RAB14: variants seen among roughly 807,000 people sequenced by gnomAD.
The protein encoded by RAB14 is RAB14, member RAS oncogene family, also known as ras-related protein Rab-14.
RAB14 carries 3 observed loss-of-function variants against 31.1 expected under a neutral mutation model. The observed-to-expected ratio is 0.10, with a 90% confidence interval of 0.04 to 0.25. The LOEUF is 0.25. Ranked by LOEUF, RAB14 falls within the 10% of genes least tolerant of loss-of-function variation. The pLI is 1.00. For synonymous variants in RAB14, 85 were observed against 84.9 expected (o/e 1.00, Z 0.00); for missense variants, 111 against 260.1 (o/e 0.43, Z 3.94).
At chr9:121,201,428 AG>A (rs1333777995) in intron 1 of RAB14, among the ~76,000 whole-genome samples, 2 of 151,976 alleles carry the variant, frequency 1.3e-5, no homozygotes, top group African/African-American at 4.8e-5. Context: ...GGAGCCGCGC[AG>A]GGGACACCTC....
chr9:121,180,936 C>T lies in RAB14; in HGVS notation c.*460G>A, dbSNP rs534947008. The T allele has an allele frequency of 6.5e-6, 1 of 152,904 alleles. No homozygotes were observed. The highest frequency in any genetic ancestry group is 1.5e-5 in the Non-Finnish European group (1 of 68,292). The allele number at this position is 152,904 out of a possible 1,614,324, so 9.5% of individuals were successfully genotyped here. A position where few individuals can be genotyped will look rare whatever the true frequency, so the allele number is the denominator to read the frequency against. On this transcript the variant is annotated 3_prime_UTR_variant, in exon 8 of 8. Transcript: ENST00000373840. ...AACAAAACAAAAGCAGTTATAGAAC[C>T]CCTTCTCTACCATCAGAAGTAATTT...
intron 4 of RAB14, among the ~76,000 whole-genome samples, chr9:121,189,267 A>G (rs563769232): frequency 3.9e-5 from 6 of 152,222 alleles, no homozygotes; most frequent in Non-Finnish European, 7.4e-5. Flanking sequence ...GATTTTACCA[A>G]AAGTATTAAC....
Position 121,178,584 on chromosome 9 carries a change from T to TA in RAB14, c.*2811dup, listed in dbSNP as rs1401422090. 6.6e-6 allele frequency: 1 copy of TA among 152,594 alleles called. No individual in the cohort carries two copies. The highest frequency in any genetic ancestry group is 2.4e-5 in the African/African-American group (1 of 41,438). The allele number at this position is 152,594 out of a possible 1,614,324, so 9.5% of individuals were successfully genotyped here. A position where few individuals can be genotyped will look rare whatever the true frequency, so the allele number is the denominator to read the frequency against. On this transcript the variant is annotated 3_prime_UTR_variant, in exon 8 of 8. Transcript: ENST00000373840. ...AAAAAGTTCCCCAAAACTACTGTCT[T>TA]ACCGAATTTGAGAAGGGAGGTAATG... is the stretch of plus-strand genomic sequence containing the variant.
intron 1 of RAB14, among the ~76,000 whole-genome samples, chr9:121,199,229 A>C (rs2053736137): frequency 6.6e-6 from 1 of 152,250 alleles, no homozygotes. Context: ...TTTGGCAAGG[A>C]GGAGGCAAGT....
At chr9:121,194,745 C>T (rs943941183) in intron 1 of RAB14, among the ~76,000 whole-genome samples, 1 of 152,060 alleles carries the variant, frequency 6.6e-6, no homozygotes, top group Admixed American at 6.6e-5. Context: ...TTACTATATA[C>T]CATATTTCAA....
chr9:121,184,453 G>C (rs1290434833), intron 5 of RAB14, among the ~76,000 whole-genome samples: 2 of 152,160 alleles, frequency 1.3e-5, no homozygotes, highest in African/African-American at 4.8e-5. Flanking sequence ...TGGATAAACT[G>C]TCTTTGTACA....
chr9:121,183,057 G>A, intron 6 of RAB14, 97 bp from the exon 7 acceptor site: 32 of 1,139,882 alleles, frequency 2.8e-5, no homozygotes, highest in Non-Finnish European at 4.1e-5. Flanking sequence ...TCAGTTTTTA[G>A]TACTCCTCCC....
chr9:121,200,041 C>G (rs1388833228), intron 1 of RAB14, among the ~76,000 whole-genome samples: 5 of 152,218 alleles, frequency 3.3e-5, no homozygotes, highest in Non-Finnish European at 5.9e-5. Flanking sequence ...AGCAACAACT[C>G]TAAGATGCAG....
intron 1 of RAB14, among the ~76,000 whole-genome samples, chr9:121,195,442 T>C (rs2053709864): frequency 2.0e-5 from 3 of 152,120 alleles, no homozygotes; most frequent in Admixed American, 6.6e-5. Flanking sequence ...AAGCTATGAC[T>C]TCTAACAATC....
chr9:121,190,617 C>T lies in RAB14; in HGVS notation c.221G>A (p.Arg74Lys). 1.2e-6 allele frequency: 2 copies of T among 1,613,360 alleles called. No individual in the cohort carries two copies. Among genetic ancestry groups the T allele is most frequent in the Non-Finnish European group, 1.7e-6 (2 of 1,179,592 alleles). ...TCTGTAGTAGCTCCGTGTAACAGCC[C>T]TAAATCGCTCCTGTCCTGCCGTATC... Reference protein sequence around the residue: ...IWDTAGQERFRAVTRSYYRGA... With the variant: ...IWDTAGQERFKAVTRSYYRGA... Residue 74 changes from arginine to lysine, a missense_variant, in exon 4 of 8, where the codon AGG (arginine) becomes AAG (lysine). Physicochemically the swap from Arg to Lys is conservative, Grantham distance 26. Coordinates refer to ENST00000373840, the MANE Select transcript of RAB14 (RefSeq NM_016322.4).
In RAB14 at chr9:121,186,949, T is replaced by A; in HGVS notation, c.351+4A>T. ...TCTGTGTAATAAGATGCCATTTAAC[T>A]TACAGTATTTGGATTGGTGAGATTC... is the stretch of plus-strand genomic sequence containing the variant. On this transcript the variant is annotated splice_donor_region_variant and intron_variant, in intron 5 of 7. Transcript: ENST00000373840. 6.5e-7 allele frequency: 1 copy of A among 1,531,196 alleles called. No homozygotes were observed. Among genetic ancestry groups the A allele is most frequent in the Non-Finnish European group, 8.8e-7 (1 of 1,138,840 alleles). The allele number at this position is 1,531,196 out of a possible 1,614,324, so 94.9% of individuals were successfully genotyped here.
At chr9:121,195,992 A>C (rs1264254134) in intron 1 of RAB14, among the ~76,000 whole-genome samples, 1 of 152,290 alleles carries the variant, frequency 6.6e-6, no homozygotes, top group South Asian at 2.1e-4. Flanking sequence ...CTTGAACATG[A>C]AACATACTAT....
At chr9:121,183,866 C>G (rs1362703531) in intron 5 of RAB14, among the ~76,000 whole-genome samples, 2 of 152,194 alleles carry the variant, frequency 1.3e-5, no homozygotes, top group African/African-American at 4.8e-5. Context: ...GGTTCATGGA[C>G]AAGCTCCAGG....
intron 7 of RAB14, among the ~76,000 whole-genome samples, 171 bp from the exon 8 acceptor site, chr9:121,181,744 C>T (rs1188978242): frequency 9.7e-5 from 10 of 102,894 alleles, no homozygotes; most frequent in South Asian, 4.1e-4. Flanking sequence ...AACTATTTTC[C>T]TTTTTTTTTT....
chr9:121,181,457 G>C lies in RAB14; in HGVS notation c.587C>G (p.Ala196Gly), dbSNP rs371001058. The C allele has an allele frequency of 6.2e-7, 1 of 1,612,612 alleles. No homozygotes were observed. Among genetic ancestry groups the C allele is most frequent in the African/African-American group, 1.3e-5 (1 of 74,858 alleles). Residue 196 changes from alanine (A) to glycine (G), a missense_variant, in exon 8 of 8, where the codon GCC becomes GGC. Physicochemically the swap from Ala to Gly is moderately conservative, Grantham distance 60. Transcript: ENST00000373840. ...AESGVQHKPS[A>G]PQGGRLTSEP... ...ACTGGTTAGCCGGCCTCCCTGCGGG[G>C]CTGAAGGTTTGTGTTGTACACCAGA...
intron 1 of RAB14, among the ~76,000 whole-genome samples, chr9:121,201,369 G>A (rs1361261486): frequency 6.6e-6 from 1 of 152,084 alleles, no homozygotes; most frequent in Non-Finnish European, 1.5e-5. Flanking sequence ...ACCCTTCCCT[G>A]CACGCCTCGG....
At chr9:121,200,177 T>G (rs2053751578) in intron 1 of RAB14, among the ~76,000 whole-genome samples, 1 of 152,152 alleles carries the variant, frequency 6.6e-6, no homozygotes, top group South Asian at 2.1e-4. Context: ...TCCAAAACTC[T>G]TAACCACGAC....
chr9:121,192,261 A>G, intron 2 of RAB14, 37 bp from the exon 3 acceptor site: 2 of 1,489,540 alleles, frequency 1.3e-6, no homozygotes, highest in Non-Finnish European at 1.8e-6. Context: ...TGGCAATTAC[A>G]TTTCTCAATT....
chr9:121,189,412 G>A (rs1186334733), intron 4 of RAB14, among the ~76,000 whole-genome samples: 1 of 152,002 alleles, frequency 6.6e-6, no homozygotes, highest in Non-Finnish European at 1.5e-5. Context: ...TTCTGCGTAG[G>A]CGGCCAGGTT....
Sources: gnomAD v4.1 joint callset for allele counts (sites outside exome capture counted in the v4.1 genomes callset) on GRCh38, gnomAD v4.1.1 for gene constraint, MANE v1.5 for transcripts, NCBI Gene and HGNC (gene_info 2026-07-23, HGNC 2026-07-21) for gene names.